The following PLA2R1 variants were observed in gnomAD, a reference collection of about 807,000 sequenced individuals.
PLA2R1 encodes the protein phospholipase A2 receptor 1.
PLA2R1 carries 158 observed loss-of-function variants against 195.9 expected under a neutral mutation model. The observed-to-expected ratio is 0.81, with a 90% confidence interval of 0.71 to 0.92. The LOEUF is 0.92. Ranked by LOEUF, PLA2R1 falls within the 40% of genes least tolerant of loss-of-function variation. The probability of loss-of-function intolerance (pLI) is 0.00; values close to 1 mark genes in which losing one functional copy is unlikely to be tolerated. For missense variants in PLA2R1, 1,626 were observed against 1,764.6 expected, an observed-to-expected ratio of 0.92 and a Z score of 1.41; for synonymous variants, 586 against 598.2, an observed-to-expected ratio of 0.98 and a Z score of 0.30.
chr2:159,927,890 A>G (rs1686523883), downstream of PLA2R1, among the ~76,000 whole-genome samples: 1 of 152,228 alleles, frequency 6.6e-6, no homozygotes. Context: ...TTAGCCATGT[A>G]TTACTGGTGA....
At chr2:160,034,551 C>T (rs1236516520) in intron 3 of PLA2R1, among the ~76,000 whole-genome samples, 2 of 152,170 alleles carry the variant, frequency 1.3e-5, no homozygotes, top group Non-Finnish European at 1.5e-5. Flanking sequence ...CTACGTGTTA[C>T]GAGACACTAG....
At chr2:160,016,285 AAAAG>A (rs1208085119) in intron 9 of PLA2R1, among the ~76,000 whole-genome samples, 2 of 150,874 alleles carry the variant, frequency 1.3e-5, no homozygotes, top group Non-Finnish European at 2.9e-5. Context: ...AAGAAAAAGA[AAAAG>A]AAAAGAAAGA....
intron 20 of PLA2R1, 93 bp downstream of exon 20, chr2:159,967,446 C>T: frequency 1.8e-6 from 2 of 1,121,438 alleles, no homozygotes; most frequent in South Asian, 3.3e-5. Flanking sequence ...GGACAACTCA[C>T]AGCTTTCAAA....
At chr2:160,025,956 G>T (rs1487337663) in intron 6 of PLA2R1, among the ~76,000 whole-genome samples, 1 of 152,160 alleles carries the variant, frequency 6.6e-6, no homozygotes, top group Non-Finnish European at 1.5e-5. Flanking sequence ...ACAGCATGAG[G>T]ACTATAGTTA....
In PLA2R1 at chr2:160,005,749, A is replaced by G. The variant is rs979191466; in HGVS notation, c.1737T>C (p.Ala579=). ...CTCCCGTATCATTTTGGTCCTGAAG[A>G]GCTATCCAAAAATAACTGTCCTTCA... The part of the protein sequence containing the change: ...VKMKDSYFWI[A]LQDQNDTGEY... Residue 579 remains alanine (A), a synonymous_variant, in exon 11 of 30, where the codon GCT becomes GCC. Transcript: ENST00000283243. 7 of 1,612,572 alleles carry G rather than the reference A, an allele frequency of 4.3e-6. No individual in the cohort carries two copies. The highest frequency in any genetic ancestry group is 5.9e-6 in the Non-Finnish European group (7 of 1,178,618).
At chr2:160,047,322 T>A (rs569155137) in intron 1 of PLA2R1, among the ~76,000 whole-genome samples, 20 of 152,336 alleles carry the variant, frequency 1.3e-4, no homozygotes, top group Middle Eastern at 3.4e-3. Context: ...CATACTACCA[T>A]GAAAAGCCTT....
At chr2:160,042,537 A>C (rs954625386) in intron 2 of PLA2R1, among the ~76,000 whole-genome samples, 1 of 152,230 alleles carries the variant, frequency 6.6e-6, no homozygotes, top group Non-Finnish European at 1.5e-5. Flanking sequence ...CGCCAAACAC[A>C]TCAGCCATTA....
chr2:160,029,834 T>G (rs926451743), intron 4 of PLA2R1, among the ~76,000 whole-genome samples: 1 of 152,220 alleles, frequency 6.6e-6, no homozygotes, highest in African/African-American at 2.4e-5. Flanking sequence ...TGCTTTGAAA[T>G]GTTGCCATTT....
chr2:159,995,969 T>C (rs1231618987), intron 11 of PLA2R1, among the ~76,000 whole-genome samples: 2 of 152,120 alleles, frequency 1.3e-5, no homozygotes, highest in African/African-American at 4.8e-5. Flanking sequence ...ATTTCACTTG[T>C]ATAAAAGCAA....
chr2:159,977,166 G>C, intron 15 of PLA2R1, 118 bp downstream of exon 15: 1 of 754,910 alleles, frequency 1.3e-6, no homozygotes, highest in Non-Finnish European at 2.1e-6. Flanking sequence ...TGCTAAAGTA[G>C]TGTAATTTAT....
At chr2:160,049,149 C>T (rs2105649023) in intron 1 of PLA2R1, among the ~76,000 whole-genome samples, 1 of 151,944 alleles carries the variant, frequency 6.6e-6, no homozygotes, top group East Asian at 1.9e-4. Context: ...CCAGAAGAAA[C>T]TTATAAGCTA....
chr2:160,033,068 C>A lies in PLA2R1; in HGVS notation c.732G>T (p.Gln244His). The A allele has an allele frequency of 6.2e-7, 1 of 1,613,598 alleles. No individual in the cohort carries two copies. Among genetic ancestry groups the A allele is most frequent in the East Asian group, 2.2e-5 (1 of 44,858 alleles). Residue 244 changes from glutamine to histidine, a missense_variant, in exon 4 of 30, where the codon CAG becomes CAT. By Grantham distance (24) the Gln-to-His change is conservative (BLOSUM62 0). Coordinates refer to ENST00000283243, the MANE Select transcript of PLA2R1 (RefSeq NM_007366.5). ...AAGAGAGAGATGAAAGCAGGTTGAA[C>A]TGGTAGCAAATGTGTGAATTGAGGT... ...EKDLNSHICY[Q>H]FNLLSSLSWS...
At chr2:159,977,118 T>C (rs946293513) in intron 15 of PLA2R1, among the ~76,000 whole-genome samples, 166 bp downstream of exon 15, 1 of 152,248 alleles carries the variant, frequency 6.6e-6, no homozygotes, top group African/African-American at 2.4e-5. Flanking sequence ...CATCCTGCAT[T>C]GGTGTCGCCT....
In PLA2R1 at chr2:159,937,930, T is replaced by C. The variant is rs775305226; in HGVS notation, c.*3848A>G. 6.6e-6 allele frequency: 1 copy of C among 152,254 alleles called. No homozygotes were observed. The highest frequency in any genetic ancestry group is 1.5e-5 in the Non-Finnish European group (1 of 68,044). 9.4% of individuals were successfully genotyped at this position (152,254 alleles called of 1,614,324 possible). ...ATTTTTCTTTGGAGCCATGGAGGAT[T>C]TTCCCATAGTAAGATCTGAAATGAA... On this transcript the variant is annotated 3_prime_UTR_variant, in exon 30 of 30. Transcript: ENST00000283243.
At position 160,022,804 on chromosome 2, in the gene PLA2R1, G is replaced by A. The variant is rs374731796; in HGVS notation, c.1155C>T (p.Tyr385=). 1 of 1,613,434 alleles carries A rather than the reference G, an allele frequency of 6.2e-7. No homozygotes were observed. The highest frequency in any genetic ancestry group is 1.3e-5 in the African/African-American group (1 of 74,908). The change falls in exon 7 of 30, where the codon TAC becomes TAT. Residue 385 remains tyrosine (Y), a synonymous_variant. Coordinates refer to ENST00000283243, the MANE Select transcript of PLA2R1 (RefSeq NM_007366.5). ...ATHCEPGWNP[Y]NRNCYKLQKE... ...TCTGAAGTTTGTAGCAATTACGATT[G>A]TAGGGATTCCAGCCAGGCTCACAGT...
At chr2:159,948,902 C>T (rs556130931) in intron 25 of PLA2R1, among the ~76,000 whole-genome samples, 3 of 152,274 alleles carry the variant, frequency 2.0e-5, no homozygotes, top group Admixed American at 2.0e-4. Flanking sequence ...GATTTCTACT[C>T]TTGGTACTGG....
chr2:159,995,651 A>C (rs1396292345), intron 11 of PLA2R1, among the ~76,000 whole-genome samples: 5 of 152,092 alleles, frequency 3.3e-5, no homozygotes, highest in African/African-American at 1.2e-4. Context: ...AGCTATGGAA[A>C]GTCACCAGTT....
At chr2:159,949,379 T>C (rs1268569605) in intron 25 of PLA2R1, among the ~76,000 whole-genome samples, 1 of 152,180 alleles carries the variant, frequency 6.6e-6, no homozygotes, top group Non-Finnish European at 1.5e-5. Context: ...CTTTCTACCT[T>C]TCTCCAAATG....
chr2:160,056,486 G>T (rs1222310815), intron 1 of PLA2R1, among the ~76,000 whole-genome samples: 1 of 152,086 alleles, frequency 6.6e-6, no homozygotes, highest in Non-Finnish European at 1.5e-5. Context: ...ACCAAGAATA[G>T]GTCCATCTCC....
Sources: allele counts gnomAD v4.1 joint callset (sites outside exome capture counted in the v4.1 genomes callset), GRCh38; gene constraint gnomAD v4.1.1; transcripts MANE v1.5; gene names NCBI Gene and HGNC (gene_info 2026-07-23, HGNC 2026-07-21).